USP4: variants seen among roughly 807,000 people sequenced by gnomAD.
USP4 encodes ubiquitin carboxyl-terminal hydrolase 4.
USP4 carries 72 observed loss-of-function variants against 118.2 expected under a neutral mutation model. The ratio of observed to expected loss-of-function variants is 0.61; its 90% CI spans 0.50 to 0.74. The LOEUF (loss-of-function observed/expected upper bound fraction) is 0.74. Among genes scored for constraint, USP4 ranks in the 30% least tolerant of loss-of-function variants. USP4 has a pLI of 0.00. For synonymous variants in USP4, 415 were observed against 440.4 expected (o/e 0.94, Z 0.72); for missense variants, 1,037 against 1,185.7 (o/e 0.87, Z 1.84).
rs1559470049 is a variant in USP4, at chr3:49,300,708, A to C, written c.1288-17T>G. 6.2e-7 allele frequency: 1 copy of C among 1,612,082 alleles called. No homozygotes were observed. The highest frequency in any genetic ancestry group is 2.2e-5 in the East Asian group (1 of 44,866). ...TGCCACCACCTGCGTCAAAGGGATA[A>C]ACAGGACATTCTCAACACCTCTCAG... On this transcript the variant is annotated splice_polypyrimidine_tract_variant and intron_variant, in intron 10 of 21. Transcript: ENST00000265560.
intron 8 of USP4, among the ~76,000 whole-genome samples, chr3:49,309,780 C>A (rs1245474672): frequency 6.6e-6 from 1 of 151,056 alleles, no homozygotes; most frequent in Non-Finnish European, 1.5e-5. Flanking sequence ...GCGTGTGCCA[C>A]CACACCCGGC....
intron 16 of USP4, among the ~76,000 whole-genome samples, 172 bp downstream of exon 16, chr3:49,285,925 AG>A (rs2047086379): frequency 1.3e-5 from 2 of 152,254 alleles, no homozygotes; most frequent in Admixed American, 1.3e-4. Flanking sequence ...CCTGAAAGGT[AG>A]GGGGATCTCT....
intron 15 of USP4, among the ~76,000 whole-genome samples, chr3:49,290,666 T>G (rs113013913): frequency 0.036 from 5,452 of 151,958 alleles, 328 homozygotes; most frequent in African/African-American, 0.12. Flanking sequence ...AGGCACACAC[T>G]GCCATGCCTG....
At chr3:49,294,853 C>T (rs551848445) in intron 13 of USP4, among the ~76,000 whole-genome samples, 64 of 152,332 alleles carry the variant, frequency 4.2e-4, no homozygotes, top group African/African-American at 6.7e-4. Context: ...CTTCCAACCA[C>T]GGCCTCAAAC....
chr3:49,319,340 C>T (rs2047475228), intron 6 of USP4, among the ~76,000 whole-genome samples: 1 of 151,738 alleles, frequency 6.6e-6, no homozygotes, highest in Non-Finnish European at 1.5e-5. Context: ...CCTCCGCCTC[C>T]CGGGTTCAAG....
At chr3:49,280,889 C>G (rs1553622630) in intron 19 of USP4, 42 bp from the exon 20 acceptor site, 7 of 1,572,328 alleles carry the variant, frequency 4.5e-6, no homozygotes, top group Non-Finnish European at 5.2e-6. Context: ...TATGTTAAAC[C>G]CAAACAAAGT....
At chr3:49,317,384 C>T (rs748979527) in intron 6 of USP4, 10 of 1,068,778 alleles carry the variant, frequency 9.4e-6, no homozygotes, top group Non-Finnish European at 1.3e-5. Flanking sequence ...CACAGCTCCT[C>T]CTGCTTCTGG....
chr3:49,321,908 T>C (rs1002616281), intron 6 of USP4, among the ~76,000 whole-genome samples: 2 of 152,026 alleles, frequency 1.3e-5, no homozygotes, highest in African/African-American at 4.8e-5. Flanking sequence ...GGCACAGAAT[T>C]GCTTGAACCC....
Position 49,302,400 on chromosome 3 carries a change from T to C in USP4, c.1271A>G (p.Asn424Ser), listed in dbSNP as rs61760236. The change falls in exon 10 of 22, where the codon AAT becomes AGT. Residue 424 changes from asparagine to serine, a missense_variant. Asn to Ser is a conservative substitution (Grantham distance 46). Coordinates refer to ENST00000265560, the MANE Select transcript of USP4 (RefSeq NM_003363.4). ...ATGGCATACCGCATCTGGCCGCCCA[T>C]TGGCATCCTTCAGCTCCAAGTAGGG... is the stretch of plus-strand genomic sequence containing the variant. ...KKPYLELKDA[N>S]GRPDAVVAKE... is the part of the protein sequence containing the mutation. The C allele has an allele frequency of 2.8e-3, 4,446 of 1,613,760 alleles. 9 individuals are homozygous for C. The highest frequency in any genetic ancestry group is 3.3e-3 in the Non-Finnish European group (3,947 of 1,179,938).
chr3:49,334,015 G>A (rs189756718), intron 2 of USP4, among the ~76,000 whole-genome samples: 3 of 150,414 alleles, frequency 2.0e-5, no homozygotes, highest in Admixed American at 6.6e-5. Flanking sequence ...GCAAAACTCC[G>A]TCTCAAAAAA....
chr3:49,283,827 G>A (rs2047064729), intron 19 of USP4, among the ~76,000 whole-genome samples, 160 bp downstream of exon 19: 1 of 152,136 alleles, frequency 6.6e-6, no homozygotes, highest in Non-Finnish European at 1.5e-5. Context: ...GGGAGGATAG[G>A]GACAGAAGGG....
chr3:49,319,157 G>T (rs1448325186), intron 6 of USP4, among the ~76,000 whole-genome samples: 3 of 149,018 alleles, frequency 2.0e-5, no homozygotes, highest in Admixed American at 6.7e-5. Context: ...AAAAAAAAAA[G>T]AAATATATAA....
At chr3:49,299,545 A>G (rs1408592404) in intron 11 of USP4, among the ~76,000 whole-genome samples, 1 of 150,000 alleles carries the variant, frequency 6.7e-6, no homozygotes, top group Non-Finnish European at 1.5e-5. Context: ...GGCGCCCGCC[A>G]CCATGCCTGG....
At chr3:49,291,128 C>T (rs1035611750) in intron 15 of USP4, among the ~76,000 whole-genome samples, 1 of 151,864 alleles carries the variant, frequency 6.6e-6, no homozygotes, top group Non-Finnish European at 1.5e-5. Context: ...ACCACCACGC[C>T]TAATTTTTTG....
intron 13 of USP4, 118 bp from the exon 14 acceptor site, chr3:49,294,716 A>G (rs1342720140): frequency 1.0e-6 from 1 of 986,874 alleles, no homozygotes; most frequent in African/African-American, 1.6e-5. Flanking sequence ...ATATTTGAGT[A>G]GAAAAGGTGG....
intron 6 of USP4, chr3:49,317,122 G>A (rs1420300335): frequency 1.5e-6 from 2 of 1,374,964 alleles, no homozygotes; most frequent in South Asian, 1.2e-5. Context: ...GTCTGAGGCT[G>A]TAGCCTTGGT....
At chr3:49,286,378 T>A (rs561364286) in intron 15 of USP4, 53 bp from the exon 16 acceptor site, 2 of 1,549,126 alleles carry the variant, frequency 1.3e-6, no homozygotes, top group African/African-American at 2.8e-5. Context: ...ATTTCAATGT[T>A]AAAAATTTTA....
At chr3:49,308,856 A>C (rs2047349296) in intron 8 of USP4, among the ~76,000 whole-genome samples, 1 of 151,518 alleles carries the variant, frequency 6.6e-6, no homozygotes, top group African/African-American at 2.4e-5. Context: ...ACATGGTGAA[A>C]TCCTGTCTCT....
rs186122041 is a variant in USP4, at chr3:49,331,232, A to G, written c.230-3416T>C. 5.3e-5 allele frequency among the ~76,000 whole-genome samples: 8 copies of G among 152,164 alleles called. No homozygotes were observed. In the East Asian group the frequency reaches 1.4e-3, roughly 26 times the overall value. On this transcript the variant is annotated intron_variant, in intron 2 of 21. Coordinates refer to ENST00000265560, the MANE Select transcript of USP4 (RefSeq NM_003363.4). ...CTACTCAGGAGGCTGAGGCAGGAGA[A>G]TCGCTTGAACCTGGGAGGCAGAGGT... is the stretch of plus-strand genomic sequence containing the variant.
Sources: gnomAD v4.1 joint callset for allele counts (sites outside exome capture counted in the v4.1 genomes callset) on GRCh38, gnomAD v4.1.1 for gene constraint, MANE v1.5 for transcripts, NCBI Gene and HGNC (gene_info 2026-07-23, HGNC 2026-07-21) for gene names.